Variants in CDH1 observed in about 807,000 individuals in gnomAD.
The protein encoded by CDH1 is cadherin-1.
A neutral mutation model predicts 84.5 loss-of-function variants in CDH1; 35 were observed. The observed-to-expected ratio is 0.41, with a 90% confidence interval of 0.32 to 0.55. The LOEUF is 0.55. Ranked by LOEUF, CDH1 falls within the 20% of genes least tolerant of loss-of-function variation. The probability of loss-of-function intolerance (pLI) is 0.19; values close to 1 mark genes in which losing one functional copy is unlikely to be tolerated. For missense variants in CDH1, 994 were observed against 1,126.6 expected, an observed-to-expected ratio of 0.88 and a Z score of 1.68; for synonymous variants, 417 against 439.0, an observed-to-expected ratio of 0.95 and a Z score of 0.63.
chr16:68,766,985 C>A lies in CDH1; in HGVS notation c.163+28574C>A, dbSNP rs543127650. Among the ~76,000 whole-genome samples, 310 of 152,128 alleles carry A rather than the reference C, an allele frequency of 2.0e-3. 1 individual carries two copies. Among genetic ancestry groups the A allele is most frequent in the African/African-American group, 6.9e-3 (287 of 41,504 alleles). Reference sequence around the variant, plus strand: ...CAAGTGATCTGCCTGTCTCGGCCTCCCAAATTGCTGGGATTACAGGTGTGA... The same window carrying A: ...CAAGTGATCTGCCTGTCTCGGCCTCACAAATTGCTGGGATTACAGGTGTGA... On this transcript the variant is annotated intron_variant, in intron 2 of 15. Coordinates refer to ENST00000261769, the MANE Select transcript of CDH1 (RefSeq NM_004360.5).
intron 2 of CDH1, among the ~76,000 whole-genome samples, chr16:68,792,984 G>A (rs1047110947): frequency 6.6e-6 from 1 of 152,116 alleles, no homozygotes; most frequent in Non-Finnish European, 1.5e-5. Flanking sequence ...TATGTTTGGG[G>A]GACGTTAGAA....
chr16:68,812,989 G>A (rs551761932), intron 8 of CDH1, among the ~76,000 whole-genome samples: 2 of 152,192 alleles, frequency 1.3e-5, no homozygotes, highest in South Asian at 2.1e-4. Flanking sequence ...GCAGTGAGCC[G>A]AGATTGTACC....
At chr16:68,811,657 A>C in intron 6 of CDH1, 27 bp from the exon 7 acceptor site, 1 of 1,611,748 alleles carries the variant, frequency 6.2e-7, no homozygotes, top group Non-Finnish European at 8.5e-7. Flanking sequence ...AGCTTGTCTA[A>C]ACCTTCATCT....
chr16:68,788,040 C>T lies in CDH1; in HGVS notation c.164-13630C>T, dbSNP rs565478364. 1.8e-3 allele frequency among the ~76,000 whole-genome samples: 278 copies of T among 151,716 alleles called. 2 individuals carry two copies. Among genetic ancestry groups the T allele is most frequent in the African/African-American group, 6.1e-3 (254 of 41,376 alleles). On this transcript the variant is annotated intron_variant, in intron 2 of 15. Coordinates refer to ENST00000261769, the MANE Select transcript of CDH1 (RefSeq NM_004360.5). ...CGAGGTTTCACCATGTTGGCCAGGC[C>T]TGTCTTAAACTCCTGACCTCAAGTG...
At chr16:68,758,135 C>A (rs538170321) in intron 2 of CDH1, among the ~76,000 whole-genome samples, 111 of 146,536 alleles carry the variant, frequency 7.6e-4, no homozygotes, top group African/African-American at 2.5e-3. Context: ...TCTTTTTTTT[C>A]AAATTTTTTT....
At chr16:68,829,894 T>G (rs1961437575) in intron 15 of CDH1, 97 bp downstream of exon 15, 1 of 1,290,540 alleles carries the variant, frequency 7.7e-7, no homozygotes, top group Non-Finnish European at 1.1e-6. Flanking sequence ...ATTCTTTCCT[T>G]TACTATGTTT....
At chr16:68,743,467 G>C (rs1375114754) in intron 2 of CDH1, among the ~76,000 whole-genome samples, 1 of 151,968 alleles carries the variant, frequency 6.6e-6, no homozygotes, top group Non-Finnish European at 1.5e-5. Context: ...CCATGTTCAA[G>C]TGATTCTCCA....
intron 2 of CDH1, among the ~76,000 whole-genome samples, chr16:68,783,412 GA>G (rs113206487): frequency 2.1e-5 from 3 of 144,974 alleles, no homozygotes; most frequent in Admixed American, 1.4e-4. Flanking sequence ...AAAGAAAAAA[GA>G]AAAAAAGAAA....
At chr16:68,777,211 T>C (rs1466037536) in intron 2 of CDH1, among the ~76,000 whole-genome samples, 1 of 152,202 alleles carries the variant, frequency 6.6e-6, no homozygotes, top group Non-Finnish European at 1.5e-5. Context: ...GAAAGCATAG[T>C]GGTCAAGAGC....
At chr16:68,757,985 T>TC (rs1963060164) in intron 2 of CDH1, among the ~76,000 whole-genome samples, 1 of 127,662 alleles carries the variant, frequency 7.8e-6, no homozygotes, top group Non-Finnish European at 1.7e-5. Flanking sequence ...TTTTTTTTTT[T>TC]GTATTTTTTG....
chr16:68,790,984 G>C (rs897000084), intron 2 of CDH1, among the ~76,000 whole-genome samples: 3 of 152,328 alleles, frequency 2.0e-5, no homozygotes, highest in Admixed American at 2.0e-4. Flanking sequence ...AGAAGGGTAT[G>C]GGGTATGGGG....
intron 13 of CDH1, among the ~76,000 whole-genome samples, chr16:68,827,010 C>A (rs1302288690): frequency 6.6e-6 from 1 of 152,106 alleles, no homozygotes; most frequent in Non-Finnish European, 1.5e-5. Flanking sequence ...GTGGCTCACG[C>A]CTGTAATCTC....
At chr16:68,830,392 A>G (rs1300035247) in intron 15 of CDH1, among the ~76,000 whole-genome samples, 5 of 152,160 alleles carry the variant, frequency 3.3e-5, no homozygotes, top group Admixed American at 2.6e-4. Context: ...TTCTAAGTAA[A>G]TTTCATTTTA....
chr16:68,738,964 T>TTTTTTA (rs555202424), intron 2 of CDH1, among the ~76,000 whole-genome samples: 5,674 of 64,844 alleles, frequency 0.088, 1,816 homozygotes, highest in Non-Finnish European at 0.11. Flanking sequence ...TTTTTTTTTT[T>TTTTTTA]AAAGACAGGG....
chr16:68,787,825 A>ATTTTTTTTTTT lies in CDH1; in HGVS notation c.164-13836_164-13826dup, dbSNP rs58676133. ...AGACACCCACCACCACGCCCGGCTA[A>ATTTTTTTTTTT]TTTTTTTTTTTTTTTTTTTGAGACA... On this transcript the variant is annotated intron_variant, in intron 2 of 15. Coordinates refer to ENST00000261769, the MANE Select transcript of CDH1 (RefSeq NM_004360.5). Among the ~76,000 whole-genome samples the ATTTTTTTTTTT allele has an allele frequency of 2.6e-3, 264 of 102,222 alleles. 4 individuals are homozygous for ATTTTTTTTTTT. Among genetic ancestry groups the ATTTTTTTTTTT allele is most frequent in the Middle Eastern group, 6.8e-3 (1 of 146 alleles). 67.1% of individuals were successfully genotyped at this position (102,222 alleles called of 152,430 possible). A position where few individuals can be genotyped will look rare whatever the true frequency, so the allele number is the denominator to read the frequency against.
At chr16:68,802,854 G>A (rs1960553095) in intron 3 of CDH1, among the ~76,000 whole-genome samples, 1 of 152,126 alleles carries the variant, frequency 6.6e-6, no homozygotes. Flanking sequence ...CCAGTGGGCA[G>A]CTCTTACCCC....
intron 2 of CDH1, among the ~76,000 whole-genome samples, chr16:68,789,834 C>A (rs1441260243): frequency 2.0e-5 from 3 of 151,926 alleles, no homozygotes; most frequent in Non-Finnish European, 4.4e-5. Context: ...CTGAGGCGGG[C>A]GGATCACATG....
intron 13 of CDH1, 133 bp from the exon 14 acceptor site, chr16:68,828,041 A>G: frequency 1.1e-6 from 1 of 911,370 alleles, no homozygotes; most frequent in Middle Eastern, 3.3e-4. Context: ...GACATCTTCA[A>G]GTGTATTGAA....
At chr16:68,752,923 T>G (rs1021411441) in intron 2 of CDH1, among the ~76,000 whole-genome samples, 2 of 152,204 alleles carry the variant, frequency 1.3e-5, no homozygotes, top group Non-Finnish European at 1.5e-5. Context: ...ACCCAACACC[T>G]GCCCCCTGGG....
Sources: allele counts gnomAD v4.1 joint callset (sites outside exome capture counted in the v4.1 genomes callset), GRCh38; gene constraint gnomAD v4.1.1; transcripts MANE v1.5; gene names NCBI Gene and HGNC (gene_info 2026-07-23, HGNC 2026-07-21).